MYOM1: variants seen among roughly 807,000 people sequenced by gnomAD.
MYOM1 encodes the protein myomesin-1.
In MYOM1, 164 loss-of-function variants were observed where a neutral mutation model predicts 205.3. The ratio of observed to expected loss-of-function variants is 0.80; its 90% CI spans 0.70 to 0.91. MYOM1 has a LOEUF of 0.91. Among genes scored for constraint, MYOM1 ranks in the 40% least tolerant of loss-of-function variants. MYOM1 has a pLI of 0.00. For synonymous variants in MYOM1, 772 were observed against 789.4 expected (o/e 0.98, Z 0.37); for missense variants, 2,011 against 2,127.3 (o/e 0.95, Z 1.08).
rs540251093 is a variant in MYOM1 at position 3,201,579 on chromosome 18, TATA to T, written c.291-7624_291-7622del. The stretch of plus-strand genomic sequence containing the variant: ...ATATAAGTTTATACACACATATGTA[TATA>T]AATTTATACGTATATAAGCTTATAC... On this transcript the variant is annotated intron_variant, in intron 2 of 37. Transcript: ENST00000356443. Among the ~76,000 whole-genome samples, 883 of 151,964 alleles carry T rather than the reference TATA, an allele frequency of 5.8e-3. 5 individuals carry two copies. Among genetic ancestry groups the T allele is most frequent in the African/African-American group, 0.02 (836 of 41,476 alleles).
At chr18:3,186,547 T>C (rs990860507) in intron 5 of MYOM1, among the ~76,000 whole-genome samples, 1 of 152,184 alleles carries the variant, frequency 6.6e-6, no homozygotes, top group Non-Finnish European at 1.5e-5. Context: ...CAAAAAGTCA[T>C]TGACAATTGC....
Position 3,142,233 on chromosome 18 carries a change from T to C in MYOM1, c.1901-170A>G, listed in dbSNP as rs1304211880. On this transcript the variant is annotated intron_variant, in intron 13 of 37. Transcript: ENST00000356443. ...AAAACATCATTCATTCATTCATTCT[T>C]CAAATGCCATTGAGCAGTTGCTGTT... is the stretch of plus-strand genomic sequence containing the variant. Among the ~76,000 whole-genome samples the C allele has an allele frequency of 3.3e-5, 5 of 152,154 alleles. No individual in the cohort carries two copies. In the East Asian group the frequency reaches 9.6e-4, roughly 29 times the overall value.
chr18:3,202,748 C>A (rs1488096198), intron 2 of MYOM1, among the ~76,000 whole-genome samples: 1 of 151,956 alleles, frequency 6.6e-6, no homozygotes, highest in Non-Finnish European at 1.5e-5. Context: ...ACTGATAGAA[C>A]AACTAGATTT....
chr18:3,173,710 A>G (rs2080593382), intron 8 of MYOM1, among the ~76,000 whole-genome samples: 1 of 151,990 alleles, frequency 6.6e-6, no homozygotes, highest in Non-Finnish European at 1.5e-5. Flanking sequence ...TTAGCCCATC[A>G]TATCTGGGCT....
At chr18:3,214,273 G>C (rs918351337) in intron 2 of MYOM1, among the ~76,000 whole-genome samples, 3 of 152,154 alleles carry the variant, frequency 2.0e-5, no homozygotes, top group African/African-American at 7.2e-5. Flanking sequence ...GAAACATTCT[G>C]AGCGCAAGGA....
At chr18:3,088,431 C>T (rs946010098) in intron 29 of MYOM1, among the ~76,000 whole-genome samples, 1 of 152,096 alleles carries the variant, frequency 6.6e-6, no homozygotes, top group African/African-American at 2.4e-5. Flanking sequence ...TGATAGACTG[C>T]TGTTTCTTTG....
Position 3,067,172 on chromosome 18 carries a change from G to T in MYOM1, c.*90C>A, listed in dbSNP as rs573003941. On this transcript the variant is annotated 3_prime_UTR_variant, in exon 38 of 38. Coordinates refer to ENST00000356443, the MANE Select transcript of MYOM1 (RefSeq NM_003803.4). ...TTTCCCCTCAAGCCAGAAAATAATA[G>T]GGAGGAGAAAGCATGAAGACGTCTC... is the stretch of plus-strand genomic sequence containing the variant. 734 of 1,361,788 alleles carry T rather than the reference G, an allele frequency of 5.4e-4. 12 individuals are homozygous for T. In the South Asian group the frequency reaches 0.01, roughly 19 times the overall value. 84.4% of individuals were successfully genotyped at this position (1,361,788 alleles called of 1,614,324 possible). A position where few individuals can be genotyped will look rare whatever the true frequency, so the allele number is the denominator to read the frequency against.
At chr18:3,132,641 G>C (rs746746936) in intron 16 of MYOM1, among the ~76,000 whole-genome samples, 28 of 152,032 alleles carry the variant, frequency 1.8e-4, no homozygotes, top group Non-Finnish European at 2.9e-4. Flanking sequence ...GGCATTGGTG[G>C]CTCCTTGTCA....
intron 10 of MYOM1, among the ~76,000 whole-genome samples, chr18:3,157,842 G>T (rs1027708664): frequency 1.3e-5 from 2 of 151,830 alleles, no homozygotes; most frequent in South Asian, 4.1e-4. Flanking sequence ...CTGCTACACA[G>T]TGTGGGGCCC....
chr18:3,195,233 A>G (rs1265849640), intron 2 of MYOM1, among the ~76,000 whole-genome samples: 1 of 152,262 alleles, frequency 6.6e-6, no homozygotes, highest in East Asian at 1.9e-4. Flanking sequence ...GGGAGGTCGC[A>G]TGGAAATGGC....
At chr18:3,075,261 A>T (rs2079008546) in intron 36 of MYOM1, among the ~76,000 whole-genome samples, 193 bp downstream of exon 36, 1 of 152,218 alleles carries the variant, frequency 6.6e-6, no homozygotes, top group Non-Finnish European at 1.5e-5. Flanking sequence ...TTTACAATGT[A>T]ACCTGAGACC....
chr18:3,166,347 T>G (rs535319524), intron 9 of MYOM1, among the ~76,000 whole-genome samples: 57 of 151,790 alleles, frequency 3.8e-4, no homozygotes, highest in African/African-American at 1.4e-3. Flanking sequence ...CTCAGCTCAT[T>G]GCAACCTCCG....
At chr18:3,095,498 G>T (rs2079290525) in intron 25 of MYOM1, among the ~76,000 whole-genome samples, 1 of 152,168 alleles carries the variant, frequency 6.6e-6, no homozygotes, top group Non-Finnish European at 1.5e-5. Context: ...AACCTGGGAG[G>T]CGGAGGTTGC....
At chr18:3,172,790 C>T (rs1315909352) in intron 8 of MYOM1, among the ~76,000 whole-genome samples, 7 of 152,174 alleles carry the variant, frequency 4.6e-5, no homozygotes, top group Non-Finnish European at 8.8e-5. Flanking sequence ...GGATTACAGG[C>T]GTGAGCCACC....
intron 17 of MYOM1, 196 bp from the exon 18 acceptor site, chr18:3,129,715 C>T: frequency 2.0e-6 from 1 of 492,674 alleles, no homozygotes; most frequent in Non-Finnish European, 3.4e-6. Context: ...GAACATTTCA[C>T]CTTCCCCGTA....
chr18:3,246,826 G>A, the MYOM1 span: 109,730 of 152,100 alleles, frequency 0.72, 39,769 homozygotes, highest in Non-Finnish European at 0.76. Context: ...CCTCTGGTAG[G>A]TGAGGTCAGA....
intron 20 of MYOM1, among the ~76,000 whole-genome samples, chr18:3,119,280 G>A (rs897546655): frequency 5.5e-4 from 83 of 152,130 alleles, no homozygotes; most frequent in African/African-American, 1.9e-3. Context: ...TCAGTGCAGA[G>A]AGGCAAGCGG....
intron 10 of MYOM1, among the ~76,000 whole-genome samples, chr18:3,158,802 C>T (rs985265323): frequency 6.6e-6 from 1 of 151,842 alleles, no homozygotes; most frequent in African/African-American, 2.4e-5. Flanking sequence ...TTTGTAGAGA[C>T]AGGGTCTCAC....
Position 3,189,168 on chromosome 18 carries a change from A to C in MYOM1, c.432-81T>G. 7.7e-7 allele frequency: 1 copy of C among 1,306,150 alleles called. No homozygotes were observed. Among genetic ancestry groups the C allele is most frequent in the Non-Finnish European group, 1.1e-6 (1 of 944,624 alleles). 80.9% of individuals were successfully genotyped at this position (1,306,150 alleles called of 1,614,324 possible). The stretch of plus-strand genomic sequence containing the variant: ...GTAATTTTACTAAGTTCAAAGTACC[A>C]CATCTCAGACACTGTATCCTGCACC... On this transcript the variant is annotated intron_variant, in intron 3 of 37. Transcript: ENST00000356443. The surrounding 1 kb of genome is among the most constrained non-coding windows in gnomAD (Gnocchi z 4.8).
Sources: allele counts gnomAD v4.1 joint callset (sites outside exome capture counted in the v4.1 genomes callset), GRCh38; gene constraint gnomAD v4.1.1; non-coding constraint Gnocchi (gnomAD v3.1); transcripts MANE v1.5; gene names NCBI Gene and HGNC (gene_info 2026-07-23, HGNC 2026-07-21).